DENND5B: variants seen among roughly 807,000 people sequenced by gnomAD.
The protein encoded by DENND5B is DENN domain containing 5B, also known as DENN domain-containing protein 5B.
A neutral mutation model predicts 140.6 loss-of-function variants in DENND5B; 34 were observed. That is an observed-to-expected ratio of 0.24 (90% CI 0.18 to 0.32). The LOEUF (loss-of-function observed/expected upper bound fraction) is 0.32, where lower values mean the gene tolerates loss of function less well. Ranked by LOEUF, DENND5B falls within the 10% of genes least tolerant of loss-of-function variation. The pLI, the probability that DENND5B is intolerant of heterozygous loss-of-function variation, is 1.00. For missense variants in DENND5B, 1,142 were observed against 1,560.2 expected (o/e 0.73, Z 4.52); for synonymous variants, 551 against 562.1 (o/e 0.98, Z 0.28).
chr12:31,588,282 T>C (rs1006298617), intron 1 of DENND5B, among the ~76,000 whole-genome samples: 1 of 152,110 alleles, frequency 6.6e-6, no homozygotes, highest in African/African-American at 2.4e-5. Flanking sequence ...TCCCTAACCA[T>C]CTTATTTAAA....
rs745781782 is a variant in DENND5B, at chr12:31,422,263, C to CA, written c.2470+1333dup. Among the ~76,000 whole-genome samples, 352 of 45,668 alleles carry CA rather than the reference C, an allele frequency of 7.7e-3. 3 individuals carry two copies. The highest frequency in any genetic ancestry group is 0.04 in the African/African-American group (323 of 8,142). 30.0% of individuals were successfully genotyped at this position (45,668 alleles called of 152,430 possible). The stretch of plus-strand genomic sequence containing the variant: ...TGAAACCCCGTCTCTACTAAAAATC[C>CA]AAAAAAAAAAAAAAAAAATAGCTGG... On this transcript the variant is annotated intron_variant, in intron 11 of 20. Coordinates refer to ENST00000389082, the MANE Select transcript of DENND5B (RefSeq NM_144973.4).
intron 1 of DENND5B, among the ~76,000 whole-genome samples, chr12:31,554,566 T>A (rs1447035316): frequency 6.6e-6 from 1 of 152,198 alleles, no homozygotes; most frequent in Non-Finnish European, 1.5e-5. Flanking sequence ...TCGAGGAGTA[T>A]CTTTGTCGCG....
chr12:31,573,749 T>G (rs748206833), intron 1 of DENND5B, among the ~76,000 whole-genome samples: 2 of 152,100 alleles, frequency 1.3e-5, no homozygotes, highest in Non-Finnish European at 2.9e-5. Context: ...AACCACAAAT[T>G]TTGTGTTCTA....
chr12:31,566,838 G>C (rs1949650507), intron 1 of DENND5B, among the ~76,000 whole-genome samples: 1 of 152,160 alleles, frequency 6.6e-6, no homozygotes, highest in African/African-American at 2.4e-5. Flanking sequence ...CAGCTAATTG[G>C]TAAACATTTT....
chr12:31,591,025 G>A lies in DENND5B; in HGVS notation c.-193C>T. On this transcript the variant is annotated 5_prime_UTR_variant, in exon 1 of 21. Transcript: ENST00000389082. ...GCGCGGGGGAAGCGGCCGCGGGCTCGCGCGCGGCGGGTCCGGAGCCCGGCC... is the reference window on the plus strand; with the variant it reads ...GCGCGGGGGAAGCGGCCGCGGGCTCACGCGCGGCGGGTCCGGAGCCCGGCC... 2.0e-6 allele frequency: 1 copy of A among 488,624 alleles called. No homozygotes were observed. The highest frequency in any genetic ancestry group is 2.7e-6 in the Non-Finnish European group (1 of 375,226). The allele number at this position is 488,624 out of a possible 1,614,324, so 30.3% of individuals were successfully genotyped here. A position where few individuals can be genotyped will look rare whatever the true frequency, so the allele number is the denominator to read the frequency against.
intron 1 of DENND5B, 23 bp downstream of exon 1, chr12:31,590,683 C>T: frequency 6.9e-7 from 1 of 1,454,580 alleles, no homozygotes; most frequent in Non-Finnish European, 9.0e-7. Context: ...GGGGGCTCAG[C>T]GCCGCCGCAG....
At chr12:31,450,551 C>A (rs1460981285) in intron 5 of DENND5B, among the ~76,000 whole-genome samples, 1 of 151,990 alleles carries the variant, frequency 6.6e-6, no homozygotes, top group Non-Finnish European at 1.5e-5. Context: ...GAGATGAGTT[C>A]TCACTATGTT....
chr12:31,422,974 T>C (rs1410921916), intron 11 of DENND5B, among the ~76,000 whole-genome samples: 1 of 150,668 alleles, frequency 6.6e-6, no homozygotes. Context: ...GGAGTCTTGC[T>C]CTGTCACCCA....
chr12:31,541,328 T>C (rs1014490554), intron 1 of DENND5B, among the ~76,000 whole-genome samples: 1 of 152,066 alleles, frequency 6.6e-6, no homozygotes, highest in East Asian at 1.9e-4. Context: ...ATATCCAAAA[T>C]ACATAAGGAA....
At chr12:31,535,855 T>C (rs1358855131) in intron 1 of DENND5B, among the ~76,000 whole-genome samples, 1 of 152,158 alleles carries the variant, frequency 6.6e-6, no homozygotes, top group African/African-American at 2.4e-5. Flanking sequence ...CTGATATGGT[T>C]TGAATCTGTA....
At chr12:31,579,586 A>G (rs1950141608) in intron 1 of DENND5B, among the ~76,000 whole-genome samples, 1 of 152,090 alleles carries the variant, frequency 6.6e-6, no homozygotes, top group Admixed American at 6.5e-5. Context: ...ACTTGAACCC[A>G]GGAGGCAGAT....
At chr12:31,462,252 C>T (rs750947158) in intron 3 of DENND5B, among the ~76,000 whole-genome samples, 25 of 146,808 alleles carry the variant, frequency 1.7e-4, no homozygotes, top group Non-Finnish European at 3.1e-4. Flanking sequence ...GCAGGTGAGG[C>T]GGGTAGTAGA....
At chr12:31,541,832 TGTG>T (rs1471417427) in intron 1 of DENND5B, among the ~76,000 whole-genome samples, 2 of 151,966 alleles carry the variant, frequency 1.3e-5, no homozygotes, top group Non-Finnish European at 2.9e-5. Context: ...ATAAAGAAAA[TGTG>T]GTACTTATAC....
At chr12:31,415,536 G>T in intron 11 of DENND5B, 88 bp from the exon 12 acceptor site, 4 of 1,094,242 alleles carry the variant, frequency 3.7e-6, no homozygotes, top group Non-Finnish European at 5.2e-6. Flanking sequence ...GCTTCGATAA[G>T]AACAAATTTT....
chr12:31,453,605 C>G (rs527493292), intron 4 of DENND5B, among the ~76,000 whole-genome samples: 52 of 152,172 alleles, frequency 3.4e-4, no homozygotes, highest in African/African-American at 1.2e-3. Context: ...AATGGTTGAA[C>G]ATAAGACATG....
intron 1 of DENND5B, among the ~76,000 whole-genome samples, chr12:31,529,659 T>C (rs1045650234): frequency 5.9e-5 from 9 of 151,624 alleles, no homozygotes; most frequent in Admixed American, 3.3e-4. Flanking sequence ...ACCCCATCTC[T>C]ACCAAAAATA....
At chr12:31,397,038 T>A (rs1001472743) in intron 17 of DENND5B, among the ~76,000 whole-genome samples, 1 of 152,238 alleles carries the variant, frequency 6.6e-6, no homozygotes, top group African/African-American at 2.4e-5. Context: ...TTTATATTTT[T>A]GGGAGACATT....
At chr12:31,531,347 A>G (rs1948272195) in intron 1 of DENND5B, among the ~76,000 whole-genome samples, 1 of 152,080 alleles carries the variant, frequency 6.6e-6, no homozygotes, top group Non-Finnish European at 1.5e-5. Flanking sequence ...TTACAGGCGC[A>G]TGCCACTACG....
At chr12:31,550,053 C>CT (rs556696698) in intron 1 of DENND5B, among the ~76,000 whole-genome samples, 3,264 of 147,236 alleles carry the variant, frequency 0.022, 53 homozygotes, top group South Asian at 0.053. Flanking sequence ...TTCTTTTTTT[C>CT]TTTTTTTTTT....
Sources: gnomAD v4.1 joint callset for allele counts (sites outside exome capture counted in the v4.1 genomes callset) on GRCh38, gnomAD v4.1.1 for gene constraint, MANE v1.5 for transcripts, NCBI Gene and HGNC (gene_info 2026-07-23, HGNC 2026-07-21) for gene names.